NR5A2: variants seen among roughly 807,000 people sequenced by gnomAD.
The protein encoded by NR5A2 is nuclear receptor subfamily 5 group A member 2.
A neutral mutation model predicts 62.7 loss-of-function variants in NR5A2; 26 were observed. The observed-to-expected ratio is 0.41, with a 90% confidence interval of 0.30 to 0.58. The LOEUF (loss-of-function observed/expected upper bound fraction) is 0.58, where lower values mean the gene tolerates loss of function less well. NR5A2 is among the 20% of genes least tolerant of loss of function. NR5A2 has a pLI of 0.22. For synonymous variants in NR5A2, 246 were observed against 241.7 expected, an observed-to-expected ratio of 1.02 and a Z score of -0.16; for missense variants, 541 against 669.1, an observed-to-expected ratio of 0.81 and a Z score of 2.11.
chr1:200,037,317 T>TC (rs1382730428), intron 1 of NR5A2, among the ~76,000 whole-genome samples: 4 of 152,286 alleles, frequency 2.6e-5, no homozygotes, highest in African/African-American at 9.6e-5. Flanking sequence ...TCCCCCGGCT[T>TC]CACCAAGCAG....
chr1:200,109,675 A>G (rs1189456539), intron 5 of NR5A2, among the ~76,000 whole-genome samples: 1 of 152,232 alleles, frequency 6.6e-6, no homozygotes, highest in Non-Finnish European at 1.5e-5. Context: ...CATAAAAATG[A>G]ATTTGATAAA....
intron 1 of NR5A2, chr1:200,029,103 G>A (rs1171795435): frequency 6.8e-6 from 3 of 444,440 alleles, no homozygotes; most frequent in South Asian, 3.1e-5. Flanking sequence ...TTTTTCGTCG[G>A]GCAGAACCGC....
chr1:200,045,138 TAA>T (rs199877098), intron 3 of NR5A2, among the ~76,000 whole-genome samples: 1 of 151,746 alleles, frequency 6.6e-6, no homozygotes, highest in African/African-American at 2.4e-5. Flanking sequence ...GAAAATAGAT[TAA>T]AAAAAAATTT....
At chr1:200,044,961 A>C in intron 3 of NR5A2, among the ~76,000 whole-genome samples, 1 of 149,542 alleles carries the variant, frequency 6.7e-6, no homozygotes, top group East Asian at 1.9e-4. Flanking sequence ...GCTTTTAACT[A>C]TCCAGTGTTG....
chr1:200,086,586 A>G (rs1664536743), intron 5 of NR5A2, among the ~76,000 whole-genome samples: 1 of 152,216 alleles, frequency 6.6e-6, no homozygotes, highest in African/African-American at 2.4e-5. Flanking sequence ...TGCAGGCATG[A>G]GCCATTGCGC....
chr1:200,106,599 A>G (rs1441600708), intron 5 of NR5A2, among the ~76,000 whole-genome samples: 21 of 152,204 alleles, frequency 1.4e-4, no homozygotes, highest in Admixed American at 1.3e-3. Flanking sequence ...GTTTTGCTAT[A>G]TAATGTGGAA....
intron 7 of NR5A2, among the ~76,000 whole-genome samples, chr1:200,135,896 A>T (rs1197320510): frequency 6.6e-6 from 1 of 152,214 alleles, no homozygotes; most frequent in Non-Finnish European, 1.5e-5. Context: ...TCTTTGGTTT[A>T]CAGATTCTGT....
chr1:200,153,888 T>C (rs763695324), intron 7 of NR5A2, among the ~76,000 whole-genome samples: 2 of 152,160 alleles, frequency 1.3e-5, no homozygotes, highest in Non-Finnish European at 2.9e-5. Context: ...ATTATGATTA[T>C]AATTATTTCA....
At chr1:200,140,755 G>C (rs906029787) in intron 7 of NR5A2, among the ~76,000 whole-genome samples, 2 of 152,198 alleles carry the variant, frequency 1.3e-5, no homozygotes, top group African/African-American at 2.4e-5. Context: ...GAAAGGCAGG[G>C]CGCAGTGGCT....
chr1:200,105,983 CA>C lies in NR5A2; in HGVS notation c.1111-5214del, dbSNP rs1427154179. Among the ~76,000 whole-genome samples the C allele has an allele frequency of 1.1e-4, 17 of 151,108 alleles. 1 individual carries two copies. Among genetic ancestry groups the C allele is most frequent in the African/African-American group, 4.1e-4 (17 of 41,096 alleles). ...TTAAAAGGGAAATGGGAGGGGGCCGCAAAAAGGTTTTGATAGGCTAAATGTG... is the reference window on the plus strand; with the variant it reads ...TTAAAAGGGAAATGGGAGGGGGCCGCAAAAGGTTTTGATAGGCTAAATGTG... On this transcript the variant is annotated intron_variant, in intron 5 of 7. Coordinates refer to ENST00000367362, the MANE Select transcript of NR5A2 (RefSeq NM_205860.3).
rs566109825 is a variant in NR5A2, at chr1:200,075,972, G to C, written c.1110+27154G>C. Among the ~76,000 whole-genome samples the C allele has an allele frequency of 2.7e-5, 4 of 149,330 alleles. No homozygotes were observed. The South Asian group carries it at 6.4e-4, about 24-fold the overall frequency. ...AATTCCTTTGGTATTCTGTTCTCTT[G>C]ATTTTAACAAGAAGCTAAACTCAAT... On this transcript the variant is annotated intron_variant, in intron 5 of 7. Transcript: ENST00000367362.
At chr1:200,125,875 G>T (rs535174020) in intron 7 of NR5A2, among the ~76,000 whole-genome samples, 1 of 152,230 alleles carries the variant, frequency 6.6e-6, no homozygotes, top group African/African-American at 2.4e-5. Context: ...TAGAGACAGG[G>T]TCCTGCTCTG....
intron 1 of NR5A2, among the ~76,000 whole-genome samples, chr1:200,034,438 C>A (rs1392786641): frequency 6.6e-6 from 1 of 152,160 alleles, no homozygotes; most frequent in South Asian, 2.1e-4. Context: ...CCTGGCGGGG[C>A]ACTCCAGGAC....
At chr1:200,142,188 CTTTTTTTTTTTTTTT>C (rs535827114) in intron 7 of NR5A2, among the ~76,000 whole-genome samples, 3 of 55,418 alleles carry the variant, frequency 5.4e-5, no homozygotes, top group African/African-American at 1.3e-4. Context: ...TTAAAGACTT[CTTTTTTTTTTTTTTT>C]TTTTTTTTTT....
intron 1 of NR5A2, among the ~76,000 whole-genome samples, chr1:200,033,001 C>T (rs1357928019): frequency 3.3e-5 from 5 of 152,194 alleles, no homozygotes; most frequent in South Asian, 2.1e-4. Context: ...TTCCATTCCA[C>T]GGTAGAAACC....
chr1:200,055,654 A>T (rs966723255), intron 5 of NR5A2, among the ~76,000 whole-genome samples: 1 of 152,242 alleles, frequency 6.6e-6, no homozygotes. Context: ...GATGTCACAG[A>T]GCAATAGCCA....
At chr1:200,089,147 T>C (rs1019233292) in intron 5 of NR5A2, among the ~76,000 whole-genome samples, 1 of 152,252 alleles carries the variant, frequency 6.6e-6, no homozygotes, top group East Asian at 1.9e-4. Flanking sequence ...AATTGCTTGC[T>C]GAAACATAAA....
chr1:200,076,343 G>T (rs1664036588), intron 5 of NR5A2, among the ~76,000 whole-genome samples: 1 of 152,144 alleles, frequency 6.6e-6, no homozygotes. Context: ...GTCGGAAACA[G>T]ATGTTCACGG....
chr1:200,108,081 C>CGTGTGTGTGTGTGT (rs71132660), intron 5 of NR5A2, among the ~76,000 whole-genome samples: 2,690 of 146,840 alleles, frequency 0.018, 88 homozygotes, highest in East Asian at 0.071. Context: ...AGAAGACATA[C>CGTGTGTGTGTGTGT]GTGTGTGTGT....
Sources: gnomAD v4.1 joint callset for allele counts (sites outside exome capture counted in the v4.1 genomes callset) on GRCh38, gnomAD v4.1.1 for gene constraint, MANE v1.5 for transcripts, NCBI Gene and HGNC (gene_info 2026-07-23, HGNC 2026-07-21) for gene names.